The following FHOD3 variants were observed in gnomAD, a reference collection of about 807,000 sequenced individuals.
FHOD3 encodes formin homology 2 domain containing 3.
In FHOD3, 90 loss-of-function variants were observed where a neutral mutation model predicts 173.0. That is an observed-to-expected ratio of 0.52 (90% confidence interval 0.44 to 0.62). FHOD3 has a LOEUF of 0.62. FHOD3 is among the 20% of genes least tolerant of loss of function. The probability of loss-of-function intolerance (pLI) is 0.00; values close to 1 mark genes in which losing one functional copy is unlikely to be tolerated. For synonymous variants in FHOD3, 828 were observed against 823.0 expected (o/e 1.01, Z -0.10); for missense variants, 1,945 against 2,034.7 (o/e 0.96, Z 0.85).
At chr18:36,399,823 C>A (rs1166868306) in intron 3 of FHOD3, among the ~76,000 whole-genome samples, 1 of 152,230 alleles carries the variant, frequency 6.6e-6, no homozygotes, top group Non-Finnish European at 1.5e-5. Flanking sequence ...GAGCTCCCAT[C>A]TTGCTGGGAG....
intron 5 of FHOD3, among the ~76,000 whole-genome samples, chr18:36,518,183 G>T (rs2056092148): frequency 6.6e-6 from 1 of 152,188 alleles, no homozygotes; most frequent in East Asian, 1.9e-4. Flanking sequence ...GAGGAAATGG[G>T]AGCAAAGGGG....
At chr18:36,573,603 C>A (rs780687214) in intron 5 of FHOD3, among the ~76,000 whole-genome samples, 2 of 152,132 alleles carry the variant, frequency 1.3e-5, no homozygotes, top group Non-Finnish European at 2.9e-5. Flanking sequence ...GACCGTGTCT[C>A]AACTAAAAGA....
intron 14 of FHOD3, among the ~76,000 whole-genome samples, chr18:36,676,920 A>G (rs1315445005): frequency 6.6e-6 from 1 of 152,168 alleles, no homozygotes; most frequent in Non-Finnish European, 1.5e-5. Flanking sequence ...TAGTTTATAT[A>G]TGTTACAAGT....
At chr18:36,565,490 A>G (rs2058230812) in intron 5 of FHOD3, among the ~76,000 whole-genome samples, 1 of 152,226 alleles carries the variant, frequency 6.6e-6, no homozygotes, top group Non-Finnish European at 1.5e-5. Context: ...ATTGTACCCT[A>G]CAGTATCCCC....
At chr18:36,763,680 A>G (rs1320510523) in intron 27 of FHOD3, among the ~76,000 whole-genome samples, 1 of 150,146 alleles carries the variant, frequency 6.7e-6, no homozygotes, top group Non-Finnish European at 1.5e-5. Context: ...TATGTATTAT[A>G]TATTTCTGTG....
chr18:36,636,164 T>C (rs999320523), intron 10 of FHOD3, among the ~76,000 whole-genome samples: 2 of 152,236 alleles, frequency 1.3e-5, no homozygotes, highest in African/African-American at 2.4e-5. Flanking sequence ...CTCTGTGTTC[T>C]GAATGTTCAC....
chr18:36,555,342 GT>G (rs945727181), intron 5 of FHOD3, among the ~76,000 whole-genome samples: 2 of 150,884 alleles, frequency 1.3e-5, no homozygotes, highest in African/African-American at 4.9e-5. Context: ...ATACACCAGA[GT>G]TTTTTTATTT....
chr18:36,352,040 C>A (rs2046151713), intron 1 of FHOD3, among the ~76,000 whole-genome samples: 1 of 152,142 alleles, frequency 6.6e-6, no homozygotes, highest in African/African-American at 2.4e-5. Flanking sequence ...TGTGCTAGTG[C>A]TGGCCTGGGT....
At chr18:36,726,679 T>C (rs1477399434) in intron 19 of FHOD3, among the ~76,000 whole-genome samples, 2 of 152,134 alleles carry the variant, frequency 1.3e-5, no homozygotes, top group Admixed American at 6.5e-5. Flanking sequence ...CTTTTTTTTC[T>C]TTTCTTTTTT....
chr18:36,532,522 A>T (rs12961238), intron 5 of FHOD3, among the ~76,000 whole-genome samples: 1 of 151,936 alleles, frequency 6.6e-6, no homozygotes, highest in South Asian at 2.1e-4. Context: ...TGGCAGAGGG[A>T]GCTTCTGGTT....
intron 5 of FHOD3, among the ~76,000 whole-genome samples, chr18:36,547,351 G>T (rs1170625380): frequency 6.6e-6 from 1 of 152,126 alleles, no homozygotes; most frequent in Non-Finnish European, 1.5e-5. Context: ...AGGCAGAAAA[G>T]GGTTTTATTT....
At chr18:36,658,613 C>T (rs780193494) in intron 14 of FHOD3, among the ~76,000 whole-genome samples, 1 of 152,250 alleles carries the variant, frequency 6.6e-6, no homozygotes, top group Non-Finnish European at 1.5e-5. Flanking sequence ...AATCCAGGAC[C>T]TACCAGAAGA....
intron 5 of FHOD3, among the ~76,000 whole-genome samples, chr18:36,543,825 C>T (rs774784764): frequency 9.9e-5 from 15 of 152,200 alleles, no homozygotes; most frequent in Non-Finnish European, 2.1e-4. Flanking sequence ...GTTTCAAAAA[C>T]AGTTCTACTT....
chr18:36,375,993 A>T (rs1266440872), intron 3 of FHOD3, among the ~76,000 whole-genome samples: 1 of 152,256 alleles, frequency 6.6e-6, no homozygotes, highest in African/African-American at 2.4e-5. Flanking sequence ...TCGTGGGCAT[A>T]CACTTACAGA....
chr18:36,693,843 C>T (rs1295590131), intron 17 of FHOD3, among the ~76,000 whole-genome samples: 6 of 152,078 alleles, frequency 3.9e-5, no homozygotes, highest in African/African-American at 1.4e-4. Context: ...AAATTAATTA[C>T]AGCAAGCAAA....
chr18:36,616,441 T>A (rs1010696369), intron 9 of FHOD3, among the ~76,000 whole-genome samples: 1 of 152,188 alleles, frequency 6.6e-6, no homozygotes, highest in Non-Finnish European at 1.5e-5. Flanking sequence ...AGGGCACATT[T>A]TCTCTCCAGC....
At chr18:36,638,264 G>A (rs1352432233) in intron 10 of FHOD3, among the ~76,000 whole-genome samples, 5 of 152,222 alleles carry the variant, frequency 3.3e-5, no homozygotes, top group African/African-American at 1.2e-4. Flanking sequence ...CAGGCCAAGG[G>A]CATGCCATGT....
At position 36,755,304 on chromosome 18, in the gene FHOD3, T is replaced by C. The variant is rs539796920; in HGVS notation, c.4418T>C (p.Ile1473Thr). ...RERNKTRGKM[I>T]TDTDEEEEVE... ...AGAAATAAGACCAGAGGGAAGATGA[T>C]CACCGATGTAAGTTTCACACAATCC... The change falls in exon 25 of 29, where the codon ATC becomes ACC. Residue 1473 changes from isoleucine to threonine, a missense_variant. Ile to Thr is a moderately conservative substitution (Grantham distance 89). Around this residue, in one of 5 missense-constraint regions of FHOD3, gnomAD observed 354 missense variants for 359.9 expected, o/e 0.98. Coordinates refer to ENST00000590592, the MANE Select transcript of FHOD3 (RefSeq NM_001281740.3). 6.4e-7 allele frequency: 1 copy of C among 1,565,836 alleles called. No homozygotes were observed. Among genetic ancestry groups the C allele is most frequent in the East Asian group, 2.3e-5 (1 of 43,116 alleles).
At chr18:36,570,450 T>C (rs989326258) in intron 5 of FHOD3, among the ~76,000 whole-genome samples, 32 of 152,078 alleles carry the variant, frequency 2.1e-4, no homozygotes, top group African/African-American at 7.5e-4. Context: ...AGTTGCCTGG[T>C]GAATTCCACC....
Sources: gnomAD v4.1 joint callset for allele counts (sites outside exome capture counted in the v4.1 genomes callset) on GRCh38, gnomAD v4.1.1 for gene constraint, gnomAD v4.1.1 regional missense constraint, MANE v1.5 for transcripts, NCBI Gene and HGNC (gene_info 2026-07-23, HGNC 2026-07-21) for gene names.